EXOC3L2: variants seen among roughly 807,000 people sequenced by gnomAD.
EXOC3L2 encodes the protein exocyst complex component 3-like protein 2.
Under a neutral mutation model 44.4 loss-of-function variants are expected in EXOC3L2, and 17 were observed. The ratio of observed to expected loss-of-function variants is 0.38; its 90% confidence interval spans 0.26 to 0.57. The LOEUF (loss-of-function observed/expected upper bound fraction) is 0.57, where lower values mean the gene tolerates loss of function less well. Among genes scored for constraint, EXOC3L2 ranks in the 20% least tolerant of loss-of-function variants. The probability of loss-of-function intolerance (pLI) is 0.65; values close to 1 mark genes in which losing one functional copy is unlikely to be tolerated. For synonymous variants in EXOC3L2, 256 were observed against 253.7 expected, an observed-to-expected ratio of 1.01 and a Z score of -0.09; for missense variants, 541 against 588.4, an observed-to-expected ratio of 0.92 and a Z score of 0.83.
rs767819363 is a variant in EXOC3L2 at position 45,218,319 on chromosome 19, G to T, written c.1720C>A (p.Pro574Thr). Residue 574 changes from proline (P) to threonine (T), a missense_variant and splice_region_variant, in exon 9 of 12, where the codon CCA becomes ACA. By Grantham distance (38) the Pro-to-Thr change is conservative. Coordinates refer to ENST00000413988, the MANE Select transcript of EXOC3L2 (RefSeq NM_001382422.1). ...VANLLFQELQ[P>T]HFNKLMRRKW... ...CGGCGCATCAGCTTGTTGAAGTGTG[G>T]CTGGCAGGGACAGAGTAGGGGGTCA... 1 of 1,601,630 alleles carries T rather than the reference G, an allele frequency of 6.2e-7. No homozygotes were observed. The highest frequency in any genetic ancestry group is 8.5e-7 in the Non-Finnish European group (1 of 1,173,928).
chr19:45,241,899 T>G (rs2122996396), intron 1 of EXOC3L2, among the ~76,000 whole-genome samples: 1 of 152,334 alleles, frequency 6.6e-6, no homozygotes, highest in Admixed American at 6.5e-5. Context: ...AGGACAGGGC[T>G]GGGGCTGTCT....
intron 3 of EXOC3L2, among the ~76,000 whole-genome samples, chr19:45,232,954 G>A (rs144226760): frequency 1.3e-5 from 2 of 152,032 alleles, no homozygotes; most frequent in East Asian, 3.9e-4. Flanking sequence ...AGTGGCTCAT[G>A]CGTGTAATCC....
At chr19:45,239,127 T>C in intron 1 of EXOC3L2, 66 bp from the exon 2 acceptor site, 1 of 395,216 alleles carries the variant, frequency 2.5e-6, no homozygotes, top group Non-Finnish European at 4.4e-6. Context: ...ACGGTGCCTC[T>C]GTGTACCGAG....
At chr19:45,219,478 G>C (rs1800215043) in intron 8 of EXOC3L2, among the ~76,000 whole-genome samples, 1 of 151,796 alleles carries the variant, frequency 6.6e-6, no homozygotes, top group South Asian at 2.1e-4. Flanking sequence ...GCCCTTAAGG[G>C]AAGGAGGACG....
Position 45,213,086 on chromosome 19 carries a change from G to C in EXOC3L2, c.2392C>G (p.Pro798Ala), listed in dbSNP as rs1170265573. The change falls in exon 12 of 12, where the codon CCT (proline) becomes GCT (alanine). Residue 798 changes from proline (P) to alanine (A), a missense_variant. Pro to Ala is a conservative substitution (Grantham distance 27). Coordinates refer to ENST00000413988, the MANE Select transcript of EXOC3L2 (RefSeq NM_001382422.1). ...GGTGACCCTCAGCGCTGGGCCCGAG[G>C]TCGCGCTAGAGACGGAGGCCGGGGC... Reference protein sequence around the residue: ...PRPRPPSLARPRAQR With the variant: ...PRPRPPSLARARAQR The C allele has an allele frequency of 3.3e-6, 5 of 1,510,270 alleles. No individual in the cohort carries two copies. The highest frequency in any genetic ancestry group is 4.4e-6 in the Non-Finnish European group (5 of 1,134,724). The allele number at this position is 1,510,270 out of a possible 1,614,324, so 93.6% of individuals were successfully genotyped here.
At chr19:45,218,856 G>A (rs867684374) in intron 8 of EXOC3L2, among the ~76,000 whole-genome samples, 1 of 152,158 alleles carries the variant, frequency 6.6e-6, no homozygotes, top group Non-Finnish European at 1.5e-5. Flanking sequence ...CCAGCACTTT[G>A]GTAGGCCGAG....
At chr19:45,222,797 G>A (rs928504700) in intron 8 of EXOC3L2, among the ~76,000 whole-genome samples, 3 of 152,154 alleles carry the variant, frequency 2.0e-5, no homozygotes, top group East Asian at 1.9e-4. Context: ...CCGTAGATTC[G>A]CAATGGGCTT....
intron 1 of EXOC3L2, among the ~76,000 whole-genome samples, chr19:45,242,748 G>A (rs1970140157): frequency 6.6e-6 from 1 of 151,082 alleles, no homozygotes; most frequent in South Asian, 2.1e-4. Flanking sequence ...TGTAGTCCTA[G>A]CTACTTGGGA....
At chr19:45,221,524 T>C (rs1202619362) in intron 8 of EXOC3L2, among the ~76,000 whole-genome samples, 1 of 151,868 alleles carries the variant, frequency 6.6e-6, no homozygotes, top group African/African-American at 2.4e-5. Context: ...AATTTTTGCA[T>C]TTTTAGTAGA....
intron 11 of EXOC3L2, among the ~76,000 whole-genome samples, chr19:45,214,680 G>A (rs1296967330): frequency 1.3e-5 from 2 of 151,716 alleles, no homozygotes; most frequent in African/African-American, 2.4e-5. Flanking sequence ...GGCCAGGCTG[G>A]TCTCGAACTC....
intron 11 of EXOC3L2, among the ~76,000 whole-genome samples, chr19:45,215,803 C>T (rs1969826586): frequency 6.6e-6 from 1 of 152,198 alleles, no homozygotes; most frequent in Admixed American, 6.5e-5. Context: ...CCCTTCCTGC[C>T]TCCAGGCAGC....
At chr19:45,217,446 C>G in intron 10 of EXOC3L2, 82 bp downstream of exon 10, 1 of 1,421,668 alleles carries the variant, frequency 7.0e-7, no homozygotes, top group Non-Finnish European at 9.2e-7. Flanking sequence ...CCCTCTCCCC[C>G]TGGCTTTTGG....
chr19:45,219,984 C>T (rs1020771511), intron 8 of EXOC3L2, among the ~76,000 whole-genome samples: 10 of 151,236 alleles, frequency 6.6e-5, no homozygotes, highest in African/African-American at 2.4e-4. Context: ...CTAGCCTGGC[C>T]AGCATGGTGA....
rs565124828 is a variant in EXOC3L2 at position 45,224,747 on chromosome 19, G to A, written c.1719+31C>T. ...GGCAGCGCTTCCCTGTCCTGGCATGGGCCCCAACCCTGGCCTCCCACCTCA... is the reference window on the plus strand; with the variant it reads ...GGCAGCGCTTCCCTGTCCTGGCATGAGCCCCAACCCTGGCCTCCCACCTCA... On this transcript the variant is annotated intron_variant, in intron 8 of 11. Transcript: ENST00000413988. 52 of 1,542,992 alleles carry A rather than the reference G, an allele frequency of 3.4e-5. 1 individual carries two copies. In the South Asian group the frequency reaches 4.9e-4, roughly 15 times the overall value.
At chr19:45,219,934 G>T (rs1969879333) in intron 8 of EXOC3L2, among the ~76,000 whole-genome samples, 1 of 152,136 alleles carries the variant, frequency 6.6e-6, no homozygotes, top group Admixed American at 6.6e-5. Context: ...CACTTTGGGA[G>T]GCTGAGGTGG....
At chr19:45,216,787 C>A (rs1969839917) in intron 10 of EXOC3L2, 1 of 152,108 alleles carries the variant, frequency 6.6e-6, no homozygotes, top group African/African-American at 2.4e-5. Flanking sequence ...AAGCTCCCTG[C>A]ATTCTTTCTT....
In EXOC3L2 at chr19:45,213,202, G is replaced by A. The variant is rs1445317157; in HGVS notation, c.2276C>T (p.Pro759Leu). Reference protein sequence around the residue: ...DRAFFADIPVPRPSFCLSLPL... With the variant: ...DRAFFADIPVLRPSFCLSLPL... ...GAGGCTGAGACAGAAAGATGGGCGG[G>A]GCACAGGGATGTCTGCAAAGAAGGC... is the stretch of plus-strand genomic sequence containing the variant. The change falls in exon 12 of 12, where the codon CCC becomes CTC. Residue 759 changes from proline (P) to leucine (L), a missense_variant. Physicochemically the swap from Pro to Leu is moderately conservative, Grantham distance 98. Transcript: ENST00000413988. 15 of 1,609,852 alleles carry A rather than the reference G, an allele frequency of 9.3e-6. No individual in the cohort carries two copies. Among genetic ancestry groups the A allele is most frequent in the Non-Finnish European group, 1.3e-5 (15 of 1,177,944 alleles).
At chr19:45,228,104 G>A in intron 5 of EXOC3L2, 30 bp from the exon 6 acceptor site, 1 of 1,614,038 alleles carries the variant, frequency 6.2e-7, no homozygotes, top group Non-Finnish European at 8.5e-7. Flanking sequence ...AAGAAGAGGT[G>A]AGGAGGGGCA....
intron 10 of EXOC3L2, 43 bp from the exon 11 acceptor site, chr19:45,216,237 G>T: frequency 6.2e-7 from 1 of 1,604,466 alleles, no homozygotes; most frequent in Non-Finnish European, 8.5e-7. Flanking sequence ...TCCCAAGATT[G>T]ACCCTGCCAA....
Sources: allele counts gnomAD v4.1 joint callset (sites outside exome capture counted in the v4.1 genomes callset), GRCh38; gene constraint gnomAD v4.1.1; transcripts MANE v1.5; gene names NCBI Gene and HGNC (gene_info 2026-07-23, HGNC 2026-07-21).